The following MDH1B variants were observed in gnomAD, a reference collection of about 807,000 sequenced individuals.
MDH1B encodes malate dehydrogenase 1B.
MDH1B carries 60 observed loss-of-function variants against 61.4 expected under a neutral mutation model. The observed-to-expected ratio is 0.98, with a 90% confidence interval of 0.79 to 1.21. The LOEUF (loss-of-function observed/expected upper bound fraction) is 1.21, where lower values mean the gene tolerates loss of function less well. Ranked by LOEUF, MDH1B falls within the 50% of genes most tolerant of loss-of-function variation. The pLI is 0.00. For synonymous variants in MDH1B, 236 were observed against 218.7 expected, an observed-to-expected ratio of 1.08 and a Z score of -0.70; for missense variants, 587 against 632.1, an observed-to-expected ratio of 0.93 and a Z score of 0.76.
Position 206,750,848 on chromosome 2 carries a change from AG to A in MDH1B, c.1052+85del, listed in dbSNP as rs1161567813. ...AACAATGCAAGTTATTTTTGTACAA[AG>A]ATTTATGAGATGATTTAAAAGATTA... On this transcript the variant is annotated intron_variant, in intron 6 of 11. Transcript: ENST00000374412. 11 of 1,149,366 alleles carry A rather than the reference AG, an allele frequency of 9.6e-6. No individual in the cohort carries two copies. In the Admixed American group the frequency reaches 1.6e-4, roughly 17 times the overall value. 71.2% of individuals were successfully genotyped at this position (1,149,366 alleles called of 1,614,324 possible). A position where few individuals can be genotyped will look rare whatever the true frequency, so the allele number is the denominator to read the frequency against.
At chr2:206,758,131 G>C (rs765477618) in intron 2 of MDH1B, among the ~76,000 whole-genome samples, 1 of 152,160 alleles carries the variant, frequency 6.6e-6, no homozygotes, top group Non-Finnish European at 1.5e-5. Context: ...TCTAGCCACA[G>C]CATAGCCAGA....
chr2:206,740,886 A>C (rs10173497), intron 10 of MDH1B, among the ~76,000 whole-genome samples, 168 bp downstream of exon 10: 42,718 of 152,140 alleles, frequency 0.28, 8,062 homozygotes, highest in East Asian at 0.56. Flanking sequence ...TTTAAAAAAA[A>C]GTTGACATTT....
At chr2:206,738,771 C>T (rs1032499632) in intron 11 of MDH1B, among the ~76,000 whole-genome samples, 4 of 151,668 alleles carry the variant, frequency 2.6e-5, no homozygotes, top group African/African-American at 7.3e-5. Flanking sequence ...GCTTTTCATT[C>T]CAAATTATGT....
rs539479634 is a variant in MDH1B at position 206,759,864 on chromosome 2, T to C, written c.135+1037A>G. On this transcript the variant is annotated intron_variant, in intron 2 of 11. Coordinates refer to ENST00000374412, the MANE Select transcript of MDH1B (RefSeq NM_001039845.3). ...AGCACTACCAACCCAGCAGATGAGA[T>C]AACTTAGCTGAAGACCAGACCAGCA... Among the ~76,000 whole-genome samples the C allele has an allele frequency of 3.9e-5, 6 of 152,268 alleles. No homozygotes were observed. In the South Asian group the frequency reaches 1.2e-3, roughly 32 times the overall value.
At chr2:206,744,548 T>C (rs1687986465) in intron 9 of MDH1B, among the ~76,000 whole-genome samples, 1 of 152,046 alleles carries the variant, frequency 6.6e-6, no homozygotes, top group Admixed American at 6.6e-5. Flanking sequence ...ATAAGAAAAA[T>C]AAGCTTCTTG....
At chr2:206,744,952 T>A (rs112355442) in intron 9 of MDH1B, among the ~76,000 whole-genome samples, 12 of 150,026 alleles carry the variant, frequency 8.0e-5, no homozygotes, top group Middle Eastern at 3.5e-3. Context: ...ATAAATAAAA[T>A]ATATATATAT....
At chr2:206,746,982 T>C (rs1388350791) in intron 7 of MDH1B, among the ~76,000 whole-genome samples, 1 of 152,192 alleles carries the variant, frequency 6.6e-6, no homozygotes, top group East Asian at 1.9e-4. Context: ...ATAACACATT[T>C]AATTTCTTTA....
In MDH1B at chr2:206,755,418, T is replaced by TA; in HGVS notation, c.500dup (p.Phe168IlefsTer2). 6.2e-7 allele frequency: 1 copy of TA among 1,614,228 alleles called. No homozygotes were observed. The highest frequency in any genetic ancestry group is 8.5e-7 in the Non-Finnish European group (1 of 1,180,034). ...GTTCTTCCGCCTGCTTGTTGTCAAA[T>TA]AGAGTTATGCTAATTTCTGTATGCA... On this transcript the variant is annotated frameshift_variant, in exon 5 of 12. Transcript: ENST00000374412. LOFTEE classifies it high-confidence loss of function.
At chr2:206,760,153 T>A (rs373264209) in intron 2 of MDH1B, among the ~76,000 whole-genome samples, 1 of 152,112 alleles carries the variant, frequency 6.6e-6, no homozygotes, top group East Asian at 1.9e-4. Flanking sequence ...ACACTCCAGG[T>A]TCCCCCTTCA....
At chr2:206,757,651 A>C (rs1325159399) in intron 2 of MDH1B, among the ~76,000 whole-genome samples, 1 of 152,224 alleles carries the variant, frequency 6.6e-6, no homozygotes, top group Non-Finnish European at 1.5e-5. Flanking sequence ...CCAAGTGTTT[A>C]GCTTAAAGAG....
intron 10 of MDH1B, among the ~76,000 whole-genome samples, chr2:206,740,483 G>C (rs574539255): frequency 2.0e-5 from 3 of 152,134 alleles, no homozygotes; most frequent in East Asian, 3.8e-4. Context: ...TGGTCTTGCT[G>C]TCTTAGGGAT....
intron 1 of MDH1B, among the ~76,000 whole-genome samples, chr2:206,761,649 T>C (rs1287840852): frequency 6.6e-6 from 1 of 152,052 alleles, no homozygotes; most frequent in East Asian, 1.9e-4. Flanking sequence ...TATGTATACA[T>C]ATATATGGGG....
chr2:206,753,143 G>A (rs1688549633), intron 5 of MDH1B, among the ~76,000 whole-genome samples: 1 of 152,144 alleles, frequency 6.6e-6, no homozygotes, highest in South Asian at 2.1e-4. Context: ...AACACAGAGA[G>A]CAGAGCAGAG....
rs1688667975 is a variant in MDH1B, at chr2:206,754,951, G to C, written c.910+58C>G. ...AGAGGGGACAGTGTTCTTCCTAGCT[G>C]CTTTGAAATCATGTTGTTTCAAAAT... On this transcript the variant is annotated intron_variant, in intron 5 of 11. Transcript: ENST00000374412. 2.6e-6 allele frequency: 4 copies of C among 1,550,584 alleles called. No individual in the cohort carries two copies. In the South Asian group the frequency reaches 4.9e-5, roughly 19 times the overall value.
intron 9 of MDH1B, among the ~76,000 whole-genome samples, chr2:206,743,328 T>C (rs950820675): frequency 1.3e-5 from 2 of 152,182 alleles, no homozygotes; most frequent in Non-Finnish European, 2.9e-5. Flanking sequence ...AGAACAGTCC[T>C]TGTTCTTGAA....
rs149785651 is a variant in MDH1B at position 206,745,629 on chromosome 2, G to T, written c.1401C>A (p.Tyr467Ter). ...TCACGTCTAAGAGCTTACCTGATTG[G>T]TATGGCTGAAAATGTATCTTGTCTC... Reference protein sequence around the residue: ...ALGDKIHFQPYQSGHKDLVPD... With the variant: ...ALGDKIHFQP Residue 467 changes from tyrosine to a stop codon, truncating the protein, a stop_gained, in exon 9 of 12, where the codon TAC becomes TAA. Transcript: ENST00000374412. LOFTEE classifies it high-confidence loss of function. 3.1e-6 allele frequency: 5 copies of T among 1,610,506 alleles called. No homozygotes were observed. The highest frequency in any genetic ancestry group is 1.3e-5 in the African/African-American group (1 of 74,772).
chr2:206,752,233 C>T (rs1176612007), intron 5 of MDH1B, among the ~76,000 whole-genome samples: 1 of 152,154 alleles, frequency 6.6e-6, no homozygotes. Flanking sequence ...CCTCTTTTGC[C>T]TTTTCTCTTT....
chr2:206,756,595 A>G (rs947414631), intron 4 of MDH1B: 6 of 292,094 alleles, frequency 2.1e-5, no homozygotes, highest in African/African-American at 1.1e-4. Context: ...CGTGGGAAAG[A>G]GGGAGAGAGC....
chr2:206,746,305 C>A lies in MDH1B; in HGVS notation c.1338G>T (p.Met446Ile). ...VEISEQIMTRMTSDLIQEKLV... is the reference protein window; with the variant it reads ...VEISEQIMTRITSDLIQEKLV... Reference sequence around the variant, plus strand: ...ACATTACCTGAATTAGATCACTTGTCATTCGGGTCATTATTTGTTCACTTA... The same window carrying A: ...ACATTACCTGAATTAGATCACTTGTAATTCGGGTCATTATTTGTTCACTTA... The change falls in exon 8 of 12, where the codon ATG (methionine) becomes ATT (isoleucine). Residue 446 changes from methionine to isoleucine, a missense_variant. Transcript: ENST00000374412. 1.2e-6 allele frequency: 2 copies of A among 1,613,442 alleles called. No homozygotes were observed. Among genetic ancestry groups the A allele is most frequent in the South Asian group, 1.1e-5 (1 of 90,930 alleles).
Sources: gnomAD v4.1 joint callset for allele counts (sites outside exome capture counted in the v4.1 genomes callset) on GRCh38, gnomAD v4.1.1 for gene constraint, MANE v1.5 for transcripts, NCBI Gene and HGNC (gene_info 2026-07-23, HGNC 2026-07-21) for gene names.